The following MON2 variants were observed in gnomAD, a reference collection of about 807,000 sequenced individuals.
MON2 encodes protein MON2 homolog.
In MON2, 84 loss-of-function variants were observed where a neutral mutation model predicts 208.6. The ratio of observed to expected loss-of-function variants is 0.40; its 90% CI spans 0.34 to 0.48. MON2 has a LOEUF of 0.48. MON2 is among the 20% of genes least tolerant of loss of function. The pLI, the probability that MON2 is intolerant of heterozygous loss-of-function variation, is 0.59. For synonymous variants in MON2, 660 were observed against 694.0 expected, an observed-to-expected ratio of 0.95 and a Z score of 0.77; for missense variants, 1,611 against 2,015.4, an observed-to-expected ratio of 0.80 and a Z score of 3.84.
intron 30 of MON2, among the ~76,000 whole-genome samples, chr12:62,572,534 C>T (rs1419248477): frequency 1.3e-5 from 2 of 152,212 alleles, no homozygotes; most frequent in Non-Finnish European, 2.9e-5. Flanking sequence ...CAGCCTCGAC[C>T]TCCCAGGCTC....
intron 1 of MON2, among the ~76,000 whole-genome samples, chr12:62,474,538 C>T (rs1330664020): frequency 6.6e-6 from 1 of 152,174 alleles, no homozygotes; most frequent in African/African-American, 2.4e-5. Context: ...GATTCTCTTG[C>T]CTCAGCTTCC....
chr12:62,592,544 T>C, intron 34 of MON2, 42 bp from the exon 35 acceptor site: 3 of 1,506,574 alleles, frequency 2.0e-6, no homozygotes, highest in Non-Finnish European at 2.7e-6. Context: ...ATAATCTCTA[T>C]TTAATTCCAC....
At chr12:62,488,089 G>C (rs2069900716) in intron 2 of MON2, among the ~76,000 whole-genome samples, 1 of 152,132 alleles carries the variant, frequency 6.6e-6, no homozygotes, top group African/African-American at 2.4e-5. Context: ...CTAAGTCATT[G>C]CTGCCTCTAG....
chr12:62,520,905 CA>C (rs58807209), intron 8 of MON2, among the ~76,000 whole-genome samples: 21,850 of 124,698 alleles, frequency 0.18, 1,826 homozygotes, highest in East Asian at 0.3. Flanking sequence ...GACTCCATCT[CA>C]AAAAAAAAAA....
chr12:62,583,161 A>G (rs1057214792), intron 32 of MON2, among the ~76,000 whole-genome samples: 6 of 152,058 alleles, frequency 3.9e-5, no homozygotes, highest in African/African-American at 1.4e-4. Context: ...GCAAAACCCC[A>G]TCTCTACAAA....
intron 25 of MON2, chr12:62,559,804 C>CT (rs1170021606): frequency 5.3e-5 from 8 of 151,322 alleles, no homozygotes; most frequent in Non-Finnish European, 1.0e-4. Context: ...AATTCTGCAG[C>CT]TCTAAAATAA....
chr12:62,528,686 A>G (rs1185539520), intron 11 of MON2, among the ~76,000 whole-genome samples: 2 of 152,188 alleles, frequency 1.3e-5, no homozygotes, highest in African/African-American at 4.8e-5. Flanking sequence ...TTTATGTTTT[A>G]GATACATTTT....
chr12:62,467,118 A>T lies in MON2; in HGVS notation c.-90A>T. ...AGCGGGCTGCTGAAGGACCAGAGACACCGGGAGGGAGCTGCCTGTGGCCCT... is the reference window on the plus strand; with the variant it reads ...AGCGGGCTGCTGAAGGACCAGAGACTCCGGGAGGGAGCTGCCTGTGGCCCT... On this transcript the variant is annotated 5_prime_UTR_variant, in exon 1 of 35. Coordinates refer to ENST00000393630, the MANE Select transcript of MON2 (RefSeq NM_015026.3). 1 of 1,046,268 alleles carries T rather than the reference A, an allele frequency of 9.6e-7. No individual in the cohort carries two copies. Among genetic ancestry groups the T allele is most frequent in the Non-Finnish European group, 1.4e-6 (1 of 698,590 alleles). The allele number at this position is 1,046,268 out of a possible 1,614,324, so 64.8% of individuals were successfully genotyped here. A position where few individuals can be genotyped will look rare whatever the true frequency, so the allele number is the denominator to read the frequency against.
chr12:62,534,411 C>A (rs1276856334), intron 12 of MON2, among the ~76,000 whole-genome samples: 1 of 147,714 alleles, frequency 6.8e-6, no homozygotes, highest in African/African-American at 2.5e-5. Context: ...CCCAGCTACT[C>A]AGGAGGCTAA....
chr12:62,546,129 A>AT (rs1477664427), intron 21 of MON2, among the ~76,000 whole-genome samples: 1 of 152,096 alleles, frequency 6.6e-6, no homozygotes, highest in Middle Eastern at 3.2e-3. Flanking sequence ...ACATTTATTC[A>AT]TTTTTTATAA....
rs140803188 is a variant in MON2, at chr12:62,550,315, G to A, written c.2916+485G>A. 3.3e-5 allele frequency among the ~76,000 whole-genome samples: 5 copies of A among 152,164 alleles called. No homozygotes were observed. In the South Asian group the frequency reaches 8.3e-4, roughly 25 times the overall value. On this transcript the variant is annotated intron_variant, in intron 23 of 34. Coordinates refer to ENST00000393630, the MANE Select transcript of MON2 (RefSeq NM_015026.3). Reference sequence around the variant, plus strand: ...GAGGCTGAGGTGGGAGGATTGCTGAGGCCAGGAGTTTGAGACCAGGCTGGG... The same window carrying A: ...GAGGCTGAGGTGGGAGGATTGCTGAAGCCAGGAGTTTGAGACCAGGCTGGG...
chr12:62,474,363 C>T (rs906170618), intron 1 of MON2, among the ~76,000 whole-genome samples: 3 of 152,114 alleles, frequency 2.0e-5, no homozygotes, highest in Non-Finnish European at 4.4e-5. Context: ...GGTGATCCGC[C>T]CGCCTCGGCC....
intron 8 of MON2, among the ~76,000 whole-genome samples, chr12:62,510,319 C>T (rs1014262983): frequency 2.6e-5 from 4 of 151,098 alleles, no homozygotes; most frequent in African/African-American, 7.3e-5. Context: ...CAAAGCCAGA[C>T]AAAAATACTA....
rs377104830 is a variant in MON2 at position 62,467,327 on chromosome 12, C to T, written c.111+9C>T. The T allele has an allele frequency of 6.7e-5, 107 of 1,607,834 alleles. No individual in the cohort carries two copies. The highest frequency in any genetic ancestry group is 8.5e-5 in the Non-Finnish European group (100 of 1,174,576). On this transcript the variant is annotated intron_variant, in intron 1 of 34. Transcript: ENST00000393630. ...TCCCACCTGTCAAAGAGGTAAGCTT[C>T]AGGTGACGTCAGGAGAAGGCACTGT...
rs1380161332 is a variant in MON2, at chr12:62,467,265, G to T, written c.58G>T (p.Asp20Tyr). Residue 20 changes from aspartate (D) to tyrosine (Y), a missense_variant, in exon 1 of 35, where the codon GAC becomes TAC. Coordinates refer to ENST00000393630, the MANE Select transcript of MON2 (RefSeq NM_015026.3). ...VKKLLENMQSDLRALSLECKK... is the reference protein window; with the variant it reads ...VKKLLENMQSYLRALSLECKK... ...GAAGCTGCTGGAGAATATGCAGAGCGACTTGCGCGCCTTGTCACTGGAGTG... is the reference window on the plus strand; with the variant it reads ...GAAGCTGCTGGAGAATATGCAGAGCTACTTGCGCGCCTTGTCACTGGAGTG... 1 of 1,614,058 alleles carries T rather than the reference G, an allele frequency of 6.2e-7. No homozygotes were observed. The highest frequency in any genetic ancestry group is 8.5e-7 in the Non-Finnish European group (1 of 1,180,038).
In MON2 at chr12:62,594,131, T is replaced by C. The variant is rs1045468158; in HGVS notation, c.*1382T>C. 6 of 152,166 alleles carry C rather than the reference T, an allele frequency of 3.9e-5. No homozygotes were observed. The highest frequency in any genetic ancestry group is 1.4e-4 in the African/African-American group (6 of 41,452). The allele number at this position is 152,166 out of a possible 1,614,324, so 9.4% of individuals were successfully genotyped here. A position where few individuals can be genotyped will look rare whatever the true frequency, so the allele number is the denominator to read the frequency against. Reference sequence around the variant, plus strand: ...TAATTTATGTGAAGACACAAAGATGTTTAAAACAATGATTATTCATAAGAA... The same window carrying C: ...TAATTTATGTGAAGACACAAAGATGCTTAAAACAATGATTATTCATAAGAA... On this transcript the variant is annotated 3_prime_UTR_variant, in exon 35 of 35. Transcript: ENST00000393630.
chr12:62,573,361 C>T (rs2074665944), intron 30 of MON2, among the ~76,000 whole-genome samples: 1 of 150,896 alleles, frequency 6.6e-6, no homozygotes, highest in African/African-American at 2.4e-5. Context: ...TGCTTAATGC[C>T]CCATTAACAA....
intron 27 of MON2, 86 bp downstream of exon 27, chr12:62,565,466 C>T: frequency 8.5e-7 from 1 of 1,174,626 alleles, no homozygotes; most frequent in Non-Finnish European, 1.2e-6. Context: ...CTTTGATTAT[C>T]TCGGAAAAGG....
intron 29 of MON2, among the ~76,000 whole-genome samples, chr12:62,570,729 T>TC (rs1287115481): frequency 7.8e-6 from 1 of 128,314 alleles, no homozygotes; most frequent in East Asian, 2.1e-4. Context: ...TTTCTTTTTT[T>TC]TTTTTTTTTT....
Sources: gnomAD v4.1 joint callset for allele counts (sites outside exome capture counted in the v4.1 genomes callset) on GRCh38, gnomAD v4.1.1 for gene constraint, MANE v1.5 for transcripts, NCBI Gene and HGNC (gene_info 2026-07-23, HGNC 2026-07-21) for gene names.